The following PILRB variants were observed in gnomAD, a reference collection of about 807,000 sequenced individuals.
PILRB encodes the protein paired immunoglobulin-like type 2 receptor beta.
Under a neutral mutation model 20.5 loss-of-function variants are expected in PILRB, and 21 were observed. The observed-to-expected ratio is 1.02, with a 90% CI of 0.72 to 1.47. The LOEUF is 1.47. Among genes scored for constraint, PILRB ranks in the 40% most tolerant of loss-of-function variants. The pLI, the probability that PILRB is intolerant of heterozygous loss-of-function variation, is 0.00. For missense variants in PILRB, 253 were observed against 272.1 expected, an observed-to-expected ratio of 0.93 and a Z score of 0.49; for synonymous variants, 133 against 115.1, an observed-to-expected ratio of 1.16 and a Z score of -0.99.
In PILRB at chr7:100,358,338, G is replaced by GCTGCAGCCGCCAGCATTT; in HGVS notation, c.45_62dup (p.Pro16_Pro21dup). On this transcript the variant is annotated inframe_insertion, in exon 1 of 4. Coordinates refer to ENST00000609309, the MANE Select transcript of PILRB (RefSeq NM_178238.4). The stretch of plus-strand genomic sequence containing the variant: ...CCCTGCTGCTGCCCCTGCTGCTCCT[G>GCTGCAGCCGCCAGCATTT]CTGCAGCCGCCAGCATTTCTGCAGC... 2 of 1,612,732 alleles carry GCTGCAGCCGCCAGCATTT rather than the reference G, an allele frequency of 1.2e-6. No individual in the cohort carries two copies. Among genetic ancestry groups the GCTGCAGCCGCCAGCATTT allele is most frequent in the Non-Finnish European group, 1.7e-6 (2 of 1,179,894 alleles).
At position 100,367,677 on chromosome 7, in the gene PILRB, A is replaced by G. The variant is rs937151398; in HGVS notation, c.*300A>G. The G allele has an allele frequency of 1.2e-5, 5 of 409,924 alleles. No individual in the cohort carries two copies. The highest frequency in any genetic ancestry group is 7.7e-5 in the East Asian group (2 of 25,976). The allele number at this position is 409,924 out of a possible 1,614,324, so 25.4% of individuals were successfully genotyped here. A position where few individuals can be genotyped will look rare whatever the true frequency, so the allele number is the denominator to read the frequency against. On this transcript the variant is annotated 3_prime_UTR_variant, in exon 4 of 4. Coordinates refer to ENST00000609309, the MANE Select transcript of PILRB (RefSeq NM_178238.4). Reference sequence around the variant, plus strand: ...GGGGGCTGTTTATTATAGCAGTGCAAAGAGTTCCTTTATCCTCCCCAAGGA... The same window carrying G: ...GGGGGCTGTTTATTATAGCAGTGCAGAGAGTTCCTTTATCCTCCCCAAGGA...
At chr7:100,367,013 C>T (rs1790711130) in intron 3 of PILRB, among the ~76,000 whole-genome samples, 1 of 152,030 alleles carries the variant, frequency 6.6e-6, no homozygotes, top group Admixed American at 6.6e-5. Context: ...AGGGCCTCAG[C>T]CTAGGGCGCA....
At chr7:100,359,277 C>A in intron 2 of PILRB, 60 bp from the exon 3 acceptor site, 1 of 1,580,700 alleles carries the variant, frequency 6.3e-7, no homozygotes, top group Non-Finnish European at 8.7e-7. Context: ...CACACCATGC[C>A]TTTCATCCAG....
intron 3 of PILRB, among the ~76,000 whole-genome samples, chr7:100,360,859 C>T (rs1790504194): frequency 6.6e-6 from 1 of 152,206 alleles, no homozygotes; most frequent in Non-Finnish European, 1.5e-5. Flanking sequence ...CCACCAACTA[C>T]AGTAGACAAT....
chr7:100,360,095 A>G (rs1274469491), intron 3 of PILRB, among the ~76,000 whole-genome samples: 3 of 152,146 alleles, frequency 2.0e-5, no homozygotes, highest in Non-Finnish European at 1.5e-5. Flanking sequence ...CTTCTCTCTC[A>G]GTCATCAATC....
intron 3 of PILRB, among the ~76,000 whole-genome samples, chr7:100,362,160 T>A (rs1394356589): frequency 6.6e-6 from 1 of 151,922 alleles, no homozygotes; most frequent in Non-Finnish European, 1.5e-5. Context: ...AGAGGTAGGG[T>A]GGGATAATGA....
At chr7:100,358,456 C>A in intron 1 of PILRB, 90 bp downstream of exon 1, 1 of 1,485,658 alleles carries the variant, frequency 6.7e-7, no homozygotes, top group Non-Finnish European at 9.2e-7. Context: ...GGGGCAGGGG[C>A]CAGGCTCCCA....
chr7:100,360,812 A>ACCCG (rs554618424), intron 3 of PILRB, among the ~76,000 whole-genome samples: 172 of 152,234 alleles, frequency 1.1e-3, no homozygotes, highest in African/African-American at 3.9e-3. Context: ...AGGAAGAAGC[A>ACCCG]CCCGTTTCCA....
chr7:100,361,039 C>T (rs548954296), intron 3 of PILRB, among the ~76,000 whole-genome samples: 5 of 152,100 alleles, frequency 3.3e-5, no homozygotes, highest in South Asian at 2.1e-4. Context: ...GGGTTCAAGC[C>T]ATTCTCCTGC....
rs187196557 is a variant in PILRB at position 100,364,475 on chromosome 7, C to T, written c.656-2874C>T. On this transcript the variant is annotated intron_variant, in intron 3 of 3. Coordinates refer to ENST00000609309, the MANE Select transcript of PILRB (RefSeq NM_178238.4). ...CAGGGGAAGGATGGTTTGTATTCTACAGGTGAAGTATGATCACATCAAGGT... is the reference window on the plus strand; with the variant it reads ...CAGGGGAAGGATGGTTTGTATTCTATAGGTGAAGTATGATCACATCAAGGT... Among the ~76,000 whole-genome samples, 10 of 152,274 alleles carry T rather than the reference C, an allele frequency of 6.6e-5. No homozygotes were observed. In the East Asian group the frequency reaches 1.9e-3, roughly 29 times the overall value.
chr7:100,365,986 C>A (rs973249813), intron 3 of PILRB, among the ~76,000 whole-genome samples: 2 of 137,466 alleles, frequency 1.5e-5, no homozygotes, highest in African/African-American at 5.5e-5. Flanking sequence ...CAGAGTCTCG[C>A]TTTGTCACCC....
At chr7:100,366,528 G>T (rs888248134) in intron 3 of PILRB, among the ~76,000 whole-genome samples, 5 of 152,078 alleles carry the variant, frequency 3.3e-5, no homozygotes, top group Admixed American at 2.0e-4. Flanking sequence ...GGGACAAGAG[G>T]GGCAGGGCAC....
At chr7:100,363,138 A>C in intron 3 of PILRB, among the ~76,000 whole-genome samples, 1 of 151,816 alleles carries the variant, frequency 6.6e-6, no homozygotes, top group African/African-American at 2.4e-5. Context: ...TACTTAAAAA[A>C]AAAAAAAAAA....
chr7:100,366,022 T>G (rs557672461), intron 3 of PILRB, among the ~76,000 whole-genome samples: 135 of 151,146 alleles, frequency 8.9e-4, no homozygotes, highest in African/African-American at 3.2e-3. Flanking sequence ...GGTGCGATCT[T>G]GGCTCACTAC....
chr7:100,358,467 C>T, intron 1 of PILRB, 101 bp downstream of exon 1: 6 of 1,443,042 alleles, frequency 4.2e-6, no homozygotes, highest in Non-Finnish European at 4.7e-6. Context: ...CAGGCTCCCA[C>T]CTCCAGCAAA....
chr7:100,361,087 C>T (rs1790511908), intron 3 of PILRB, among the ~76,000 whole-genome samples: 1 of 152,080 alleles, frequency 6.6e-6, no homozygotes, highest in Non-Finnish European at 1.5e-5. Context: ...AGGCGCCCGC[C>T]ACCACACCTG....
Position 100,359,395 on chromosome 7 carries a change from G to A in PILRB, c.513G>A (p.Arg171=). 6.2e-7 allele frequency: 1 copy of A among 1,614,100 alleles called. No homozygotes were observed. The highest frequency in any genetic ancestry group is 2.2e-5 in the East Asian group (1 of 44,882). Residue 171 remains arginine, a synonymous_variant, in exon 3 of 4, where the codon AGG becomes AGA. Transcript: ENST00000609309. The part of the protein sequence containing the change: ...PSSTTTIAGL[R]VTESKGHSES... ...GCACAACCACCATAGCCGGCCTCAGGGTCACAGAAAGCAAAGGGCACTCAG... is the reference window on the plus strand; with the variant it reads ...GCACAACCACCATAGCCGGCCTCAGAGTCACAGAAAGCAAAGGGCACTCAG...
intron 3 of PILRB, among the ~76,000 whole-genome samples, chr7:100,361,259 A>T (rs1266132861): frequency 3.3e-5 from 5 of 152,060 alleles, no homozygotes. Flanking sequence ...TATACGGGAG[A>T]TCCATGTGTG....
Position 100,359,328 on chromosome 7 carries a change from C to T in PILRB, c.455-9C>T. 1 of 1,613,950 alleles carries T rather than the reference C, an allele frequency of 6.2e-7. No homozygotes were observed. Among genetic ancestry groups the T allele is most frequent in the Admixed American group, 1.7e-5 (1 of 60,016 alleles). Reference sequence around the variant, plus strand: ...AGAAGAGGGTCTGCTCATTCCTCATCTCTTCCAGCTGTCACAACCACCACC... The same window carrying T: ...AGAAGAGGGTCTGCTCATTCCTCATTTCTTCCAGCTGTCACAACCACCACC... On this transcript the variant is annotated splice_polypyrimidine_tract_variant and intron_variant, in intron 2 of 3. Transcript: ENST00000609309.
Sources: allele counts gnomAD v4.1 joint callset (sites outside exome capture counted in the v4.1 genomes callset), GRCh38; gene constraint gnomAD v4.1.1; transcripts MANE v1.5; gene names NCBI Gene and HGNC (gene_info 2026-07-23, HGNC 2026-07-21).